TTBK2: variants seen among roughly 807,000 people sequenced by gnomAD.
TTBK2 encodes the protein tau tubulin kinase 2.
In TTBK2, 28 loss-of-function variants were observed where a neutral mutation model predicts 110.8. The observed-to-expected ratio is 0.25, with a 90% confidence interval of 0.19 to 0.35. The LOEUF (loss-of-function observed/expected upper bound fraction) is 0.35. TTBK2 is among the 10% of genes least tolerant of loss of function. The pLI is 1.00. For synonymous variants in TTBK2, 532 were observed against 527.3 expected, an observed-to-expected ratio of 1.01 and a Z score of -0.12; for missense variants, 1,369 against 1,500.3, an observed-to-expected ratio of 0.91 and a Z score of 1.45.
rs1437401444 is a variant in TTBK2, at chr15:42,744,558, T to A, written c.*1237A>T. 1 of 152,066 alleles carries A rather than the reference T, an allele frequency of 6.6e-6. No individual in the cohort carries two copies. Among genetic ancestry groups the A allele is most frequent in the Non-Finnish European group, 1.5e-5 (1 of 68,010 alleles). 9.4% of individuals were successfully genotyped at this position (152,066 alleles called of 1,614,324 possible). The stretch of plus-strand genomic sequence containing the variant: ...ATTTGCCTGATTCCTATTAGAAGAG[T>A]GAGATTAGAACAAATATCTTCCTCT... On this transcript the variant is annotated 3_prime_UTR_variant, in exon 15 of 15. Coordinates refer to ENST00000267890, the MANE Select transcript of TTBK2 (RefSeq NM_173500.4).
chr15:42,849,310 T>C (rs1284022378), intron 3 of TTBK2, among the ~76,000 whole-genome samples: 1 of 152,242 alleles, frequency 6.6e-6, no homozygotes, highest in Non-Finnish European at 1.5e-5. Flanking sequence ...TGGGTCTAAA[T>C]GTTCCATTTA....
intron 6 of TTBK2, among the ~76,000 whole-genome samples, chr15:42,824,745 C>T (rs1892455751): frequency 6.6e-6 from 1 of 151,826 alleles, no homozygotes; most frequent in Non-Finnish European, 1.5e-5. Context: ...AAGAAAGGAG[C>T]AGAAAAAATA....
chr15:42,815,958 A>AAAAAAAATATATATATAT (rs71108183), intron 7 of TTBK2, among the ~76,000 whole-genome samples: 106 of 91,688 alleles, frequency 1.2e-3, no homozygotes, highest in Non-Finnish European at 1.2e-3. Context: ...TTAAAAAAAA[A>AAAAAAAATATATATATAT]ATATATATAT....
rs776034291 is a variant in TTBK2 at position 42,752,885 on chromosome 15, A to T, written c.2361T>A (p.Asp787Glu). The T allele has an allele frequency of 2.5e-6, 4 of 1,614,182 alleles. No homozygotes were observed. Among genetic ancestry groups the T allele is most frequent in the Non-Finnish European group, 3.4e-6 (4 of 1,180,034 alleles). ...TEEKSILLESDNEDEKLSRGQ... is the reference protein window; with the variant it reads ...TEEKSILLESENEDEKLSRGQ... Reference sequence around the variant, plus strand: ...CTCTACTTAACTTCTCATCTTCATTATCTGACTCTAAAAGGATGCTTTTCT... The same window carrying T: ...CTCTACTTAACTTCTCATCTTCATTTTCTGACTCTAAAAGGATGCTTTTCT... Residue 787 changes from aspartate (D) to glutamate (E), a missense_variant, in exon 14 of 15, where the codon GAT becomes GAA. Transcript: ENST00000267890.
chr15:42,895,885 T>C (rs1415659180), intron 1 of TTBK2, among the ~76,000 whole-genome samples: 3 of 151,874 alleles, frequency 2.0e-5, no homozygotes, highest in South Asian at 2.1e-4. Context: ...ATTTTCACCA[T>C]CCCAAAACAA....
intron 10 of TTBK2, among the ~76,000 whole-genome samples, chr15:42,787,130 T>C (rs1319597873): frequency 6.6e-6 from 1 of 151,284 alleles, no homozygotes; most frequent in Non-Finnish European, 1.5e-5. Flanking sequence ...TGCTTACCTA[T>C]TTTTTTTTAA....
At chr15:42,789,115 G>A (rs970426461) in intron 10 of TTBK2, among the ~76,000 whole-genome samples, 5 of 151,672 alleles carry the variant, frequency 3.3e-5, no homozygotes, top group Admixed American at 2.0e-4. Context: ...TTTTATAAAG[G>A]TTATTCCTTA....
chr15:42,867,026 C>G (rs1056795331), intron 3 of TTBK2, among the ~76,000 whole-genome samples: 3 of 151,926 alleles, frequency 2.0e-5, no homozygotes, highest in African/African-American at 7.2e-5. Flanking sequence ...GGGCGGATCA[C>G]GAGGTCAGGA....
chr15:42,772,500 A>G (rs1349089607), intron 13 of TTBK2, among the ~76,000 whole-genome samples: 3 of 152,180 alleles, frequency 2.0e-5, no homozygotes, highest in African/African-American at 7.2e-5. Flanking sequence ...CCACTCTTGC[A>G]TTTCTAGCTC....
At chr15:42,755,064 C>T (rs1356515517) in intron 13 of TTBK2, among the ~76,000 whole-genome samples, 1 of 151,200 alleles carries the variant, frequency 6.6e-6, no homozygotes, top group Non-Finnish European at 1.5e-5. Flanking sequence ...AAATCTACCC[C>T]CCTTCCACTG....
intron 2 of TTBK2, among the ~76,000 whole-genome samples, chr15:42,876,562 A>G (rs533273244): frequency 1.6e-4 from 24 of 152,336 alleles, no homozygotes; most frequent in Admixed American, 3.9e-4. Context: ...TGACTTACCT[A>G]ATCAGTAAAA....
chr15:42,899,834 G>A (rs184194447), intron 1 of TTBK2, among the ~76,000 whole-genome samples: 448 of 151,364 alleles, frequency 3.0e-3, no homozygotes, highest in African/African-American at 0.01. Flanking sequence ...TCCAGGAGGC[G>A]GAGGTTGCAG....
chr15:42,841,904 T>C (rs1893236567), intron 3 of TTBK2, among the ~76,000 whole-genome samples: 1 of 152,148 alleles, frequency 6.6e-6, no homozygotes, highest in South Asian at 2.1e-4. Context: ...TCAGTAGACA[T>C]TGTAAGTTCA....
At chr15:42,825,918 T>C (rs1173583224) in intron 6 of TTBK2, among the ~76,000 whole-genome samples, 1 of 152,034 alleles carries the variant, frequency 6.6e-6, no homozygotes, top group Non-Finnish European at 1.5e-5. Flanking sequence ...CACAGCATGC[T>C]TCTAAGACGG....
At chr15:42,898,433 T>C (rs28649962) in intron 1 of TTBK2, among the ~76,000 whole-genome samples, 6,101 of 150,994 alleles carry the variant, frequency 0.04, 131 homozygotes, top group South Asian at 0.082. Flanking sequence ...TAGTCCCAGC[T>C]ACTCGGGAGG....
rs150326334 is a variant in TTBK2, at chr15:42,847,600, A to C, written c.218-7167T>G. 5.5e-3 allele frequency among the ~76,000 whole-genome samples: 840 copies of C among 152,314 alleles called. 6 individuals are homozygous for C. The highest frequency in any genetic ancestry group is 8.5e-3 in the Non-Finnish European group (576 of 68,022). On this transcript the variant is annotated intron_variant, in intron 3 of 14. Coordinates refer to ENST00000267890, the MANE Select transcript of TTBK2 (RefSeq NM_173500.4). ...GCACATCTTAAGTAAATTTTTGCAT[A>C]ATGTGTGTAGTTTAGGCGGAGGTTC...
At chr15:42,865,978 A>G (rs1329238270) in intron 3 of TTBK2, among the ~76,000 whole-genome samples, 1 of 152,248 alleles carries the variant, frequency 6.6e-6, no homozygotes, top group Non-Finnish European at 1.5e-5. Context: ...ATCAAAAAAC[A>G]AAACCCAATT....
chr15:42,899,926 A>T (rs2029891878), intron 1 of TTBK2, among the ~76,000 whole-genome samples: 1 of 151,280 alleles, frequency 6.6e-6, no homozygotes. Context: ...AGAAAAGTGC[A>T]CTCTAGCCTG....
At chr15:42,831,198 G>A (rs925020153) in intron 4 of TTBK2, among the ~76,000 whole-genome samples, 2 of 151,918 alleles carry the variant, frequency 1.3e-5, no homozygotes, top group East Asian at 3.9e-4. Flanking sequence ...AGAGCTCTGT[G>A]AGGATTAAAC....
Sources: gnomAD v4.1 joint callset for allele counts (sites outside exome capture counted in the v4.1 genomes callset) on GRCh38, gnomAD v4.1.1 for gene constraint, MANE v1.5 for transcripts, NCBI Gene and HGNC (gene_info 2026-07-23, HGNC 2026-07-21) for gene names.